RAD51B: variants seen among roughly 807,000 people sequenced by gnomAD.
RAD51B encodes RAD51 paralog B, also known as DNA repair protein RAD51 homolog 2.
Under a neutral mutation model 42.2 loss-of-function variants are expected in RAD51B, and 38 were observed. The observed-to-expected ratio is 0.90, with a 90% CI of 0.70 to 1.18. The LOEUF is 1.18. Ranked by LOEUF, RAD51B falls within the 50% of genes most tolerant of loss-of-function variation. RAD51B has a pLI of 0.00. For synonymous variants in RAD51B, 154 were observed against 145.2 expected (o/e 1.06, Z -0.43); for missense variants, 373 against 400.7 (o/e 0.93, Z 0.59).
intron 10 of RAD51B, among the ~76,000 whole-genome samples, chr14:68,588,329 C>T (rs1305184467): frequency 6.6e-6 from 1 of 152,190 alleles, no homozygotes; most frequent in Non-Finnish European, 1.5e-5. Context: ...GCTCAGGGAA[C>T]ATCAAAATCC....
intron 10 of RAD51B, among the ~76,000 whole-genome samples, chr14:68,607,207 T>C (rs1008555674): frequency 2.0e-5 from 3 of 152,144 alleles, no homozygotes; most frequent in Non-Finnish European, 4.4e-5. Flanking sequence ...TTAAGGGAGC[T>C]CCAGTGTTCC....
intron 7 of RAD51B, among the ~76,000 whole-genome samples, chr14:67,950,064 T>A (rs1039819755): frequency 2.0e-5 from 3 of 152,120 alleles, no homozygotes; most frequent in African/African-American, 7.2e-5. Flanking sequence ...CCCTAGGATT[T>A]TCAGAGAATG....
chr14:67,862,623 C>G (rs1205229314), intron 4 of RAD51B, among the ~76,000 whole-genome samples: 4 of 152,084 alleles, frequency 2.6e-5, no homozygotes, highest in African/African-American at 9.7e-5. Context: ...TAATTTCAAT[C>G]CTTGCATCTT....
intron 10 of RAD51B, among the ~76,000 whole-genome samples, chr14:68,564,460 G>T (rs544442972): frequency 6.6e-6 from 1 of 152,176 alleles, no homozygotes; most frequent in Admixed American, 6.5e-5. Context: ...AGCAGGGGAC[G>T]GGCTTGTGAG....
At chr14:68,366,445 G>A (rs1288586279) in intron 8 of RAD51B, among the ~76,000 whole-genome samples, 5 of 152,176 alleles carry the variant, frequency 3.3e-5, no homozygotes, top group African/African-American at 1.2e-4. Flanking sequence ...GATGATGGAT[G>A]GCAAAAGAAC....
At chr14:68,080,699 A>T (rs1417852329) in intron 7 of RAD51B, among the ~76,000 whole-genome samples, 1 of 152,216 alleles carries the variant, frequency 6.6e-6, no homozygotes, top group Non-Finnish European at 1.5e-5. Flanking sequence ...ATTCAGGAGC[A>T]TTAACTGAAA....
chr14:68,586,335 C>A (rs1175327951), intron 10 of RAD51B, among the ~76,000 whole-genome samples: 1 of 152,192 alleles, frequency 6.6e-6, no homozygotes, highest in East Asian at 1.9e-4. Context: ...CTGACCTAAC[C>A]TTTCCCCTCC....
chr14:67,927,699 T>TTG (rs569394299), intron 7 of RAD51B, among the ~76,000 whole-genome samples: 7 of 134,344 alleles, frequency 5.2e-5, no homozygotes, highest in African/African-American at 1.7e-4. Flanking sequence ...TAGTATTTCA[T>TTG]TGTATGTGTG....
At chr14:67,925,303 G>A (rs927528798) in intron 7 of RAD51B, among the ~76,000 whole-genome samples, 2 of 151,850 alleles carry the variant, frequency 1.3e-5, no homozygotes, top group Non-Finnish European at 2.9e-5. Flanking sequence ...ACAGAGTCTC[G>A]CTCTGTCACC....
At chr14:68,632,571 C>T (rs1452567060) in intron 10 of RAD51B, among the ~76,000 whole-genome samples, 2 of 152,290 alleles carry the variant, frequency 1.3e-5, no homozygotes, top group African/African-American at 2.4e-5. Flanking sequence ...TGGTTGGCCC[C>T]GCCAGGCCAG....
At chr14:68,353,147 C>T (rs956187396) in intron 8 of RAD51B, among the ~76,000 whole-genome samples, 10 of 152,164 alleles carry the variant, frequency 6.6e-5, no homozygotes, top group African/African-American at 2.4e-4. Flanking sequence ...TTTCCTCACA[C>T]CCAGGAGGAA....
intron 7 of RAD51B, among the ~76,000 whole-genome samples, chr14:68,241,415 G>C (rs374600279): frequency 1.3e-5 from 2 of 152,028 alleles, no homozygotes; most frequent in Admixed American, 6.5e-5. Flanking sequence ...GGTGGCGGGC[G>C]CCTGTGGTCC....
intron 8 of RAD51B, among the ~76,000 whole-genome samples, chr14:68,380,699 C>T (rs1298956571): frequency 1.3e-5 from 2 of 152,186 alleles, no homozygotes; most frequent in Non-Finnish European, 2.9e-5. Context: ...GGCACCACTA[C>T]CTCAGTGTCA....
intron 7 of RAD51B, among the ~76,000 whole-genome samples, chr14:68,112,438 C>T (rs775919692): frequency 3.3e-5 from 5 of 152,066 alleles, no homozygotes; most frequent in Non-Finnish European, 7.4e-5. Flanking sequence ...GGGTGCCTAG[C>T]TCCCTGGACT....
At chr14:68,016,190 T>G (rs1454606576) in intron 7 of RAD51B, among the ~76,000 whole-genome samples, 1 of 152,198 alleles carries the variant, frequency 6.6e-6, no homozygotes, top group Non-Finnish European at 1.5e-5. Context: ...AAGGGCTTTT[T>G]ATAAGCAAAT....
At chr14:68,669,130 G>C (rs771248623) in intron 11 of RAD51B, among the ~76,000 whole-genome samples, 2 of 152,218 alleles carry the variant, frequency 1.3e-5, no homozygotes, top group Non-Finnish European at 2.9e-5. Context: ...ATGACCCATG[G>C]ATGTGGGTGG....
chr14:67,885,487 C>T (rs1262511230), intron 5 of RAD51B, among the ~76,000 whole-genome samples: 1 of 152,128 alleles, frequency 6.6e-6, no homozygotes, highest in African/African-American at 2.4e-5. Context: ...ATACAATATA[C>T]CATATTTGTT....
chr14:68,649,137 T>C (rs1443736575), intron 10 of RAD51B, among the ~76,000 whole-genome samples: 5 of 152,114 alleles, frequency 3.3e-5, no homozygotes, highest in African/African-American at 1.2e-4. Context: ...TTGGGCACAT[T>C]AGGACACATT....
At chr14:68,499,047 G>A (rs1267359207) in intron 10 of RAD51B, among the ~76,000 whole-genome samples, 1 of 152,224 alleles carries the variant, frequency 6.6e-6, no homozygotes, top group Non-Finnish European at 1.5e-5. Flanking sequence ...TTTTCAGTGA[G>A]TGTGGGGCCT....
Sources: gnomAD v4.1 joint callset for allele counts (sites outside exome capture counted in the v4.1 genomes callset) on GRCh38, gnomAD v4.1.1 for gene constraint, MANE v1.5 for transcripts, NCBI Gene and HGNC (gene_info 2026-07-23, HGNC 2026-07-21) for gene names.